The following SGCD variants were observed in gnomAD, a reference collection of about 807,000 sequenced individuals.
SGCD encodes the protein delta-sarcoglycan.
In SGCD, 18 loss-of-function variants were observed where a neutral mutation model predicts 36.6. The ratio of observed to expected loss-of-function variants is 0.49; its 90% CI spans 0.34 to 0.73. SGCD has a LOEUF of 0.73. SGCD is among the 30% of genes least tolerant of loss of function. The pLI, the probability that SGCD is intolerant of heterozygous loss-of-function variation, is 0.01. For missense variants in SGCD, 387 were observed against 346.7 expected, an observed-to-expected ratio of 1.12 and a Z score of -0.92; for synonymous variants, 133 against 130.6, an observed-to-expected ratio of 1.02 and a Z score of -0.12.
intron 3 of SGCD, among the ~76,000 whole-genome samples, chr5:156,139,356 C>T (rs1321825193): frequency 1.9e-5 from 2 of 103,554 alleles, no homozygotes; most frequent in African/African-American, 1.0e-4. Flanking sequence ...GTAGTTTGGG[C>T]TTTTACAGTT....
intron 6 of SGCD, among the ~76,000 whole-genome samples, chr5:156,606,427 C>T (rs1313882064): frequency 3.3e-5 from 5 of 152,186 alleles, no homozygotes; most frequent in Non-Finnish European, 7.3e-5. Flanking sequence ...GTACCAGTAC[C>T]ATGCTGTTTT....
rs1760178678 is a variant in SGCD at position 156,580,029 on chromosome 5, C to CT, written c.295-9202_295-9201insT. Among the ~76,000 whole-genome samples, 5 of 152,248 alleles carry CT rather than the reference C, an allele frequency of 3.3e-5. No individual in the cohort carries two copies. The South Asian group carries it at 6.2e-4, about 19-fold the overall frequency. ...AGCATTGATGGTCTTTACAATTTGG[C>CT]ATGTTTTTGCAGTGGCTGGTACAGG... On this transcript the variant is annotated intron_variant, in intron 4 of 8. Transcript: ENST00000337851.
intron 1 of SGCD, among the ~76,000 whole-genome samples, chr5:156,010,980 C>G (rs1581040432): frequency 6.6e-6 from 1 of 152,054 alleles, no homozygotes; most frequent in Non-Finnish European, 1.5e-5. Flanking sequence ...CTTTGCCAAA[C>G]TGAGTCATGA....
intron 3 of SGCD, among the ~76,000 whole-genome samples, chr5:156,130,253 T>A (rs1485837568): frequency 6.6e-6 from 1 of 152,194 alleles, no homozygotes; most frequent in African/African-American, 2.4e-5. Context: ...GATATTGAGC[T>A]TTTTTTCATA....
At chr5:156,534,603 A>G (rs942980177) in intron 4 of SGCD, among the ~76,000 whole-genome samples, 2 of 152,194 alleles carry the variant, frequency 1.3e-5, no homozygotes, top group East Asian at 1.9e-4. Flanking sequence ...ACTTGCATCA[A>G]GGTGCTTGTG....
the SGCD span, among the ~76,000 whole-genome samples, chr5:155,775,330 T>C: frequency 6.6e-6 from 1 of 152,136 alleles, no homozygotes; most frequent in Non-Finnish European, 1.5e-5. Context: ...GTCTATTTCA[T>C]AGAGCACATA....
At chr5:155,771,220 C>A in the SGCD span, among the ~76,000 whole-genome samples, 1 of 151,856 alleles carries the variant, frequency 6.6e-6, no homozygotes, top group African/African-American at 2.4e-5. Context: ...TGTTGCAACT[C>A]TCATTTTGCT....
chr5:155,946,262 C>G (rs1459143955), intron 1 of SGCD, among the ~76,000 whole-genome samples: 2 of 152,080 alleles, frequency 1.3e-5, no homozygotes, highest in African/African-American at 2.4e-5. Flanking sequence ...ATTTAATTAT[C>G]ATAACCACCT....
At chr5:156,394,845 TG>T (rs1400260285) in intron 3 of SGCD, among the ~76,000 whole-genome samples, 2 of 152,278 alleles carry the variant, frequency 1.3e-5, no homozygotes, top group Non-Finnish European at 2.9e-5. Flanking sequence ...AGAGGGAACA[TG>T]TTGGGTAAGT....
intron 4 of SGCD, among the ~76,000 whole-genome samples, chr5:156,558,294 CCTT>C (rs1350821175): frequency 1.3e-5 from 2 of 151,626 alleles, no homozygotes; most frequent in Non-Finnish European, 2.9e-5. Flanking sequence ...AATATTGCCT[CCTT>C]CCTCCATTGG....
chr5:156,044,339 GT>G (rs1759712016), intron 1 of SGCD, among the ~76,000 whole-genome samples: 1 of 152,082 alleles, frequency 6.6e-6, no homozygotes, highest in Non-Finnish European at 1.5e-5. Flanking sequence ...ATGCTTGATT[GT>G]TTTCTGAATT....
intron 3 of SGCD, among the ~76,000 whole-genome samples, chr5:156,296,178 T>C (rs1287892050): frequency 6.6e-6 from 1 of 152,132 alleles, no homozygotes; most frequent in African/African-American, 2.4e-5. Flanking sequence ...ATCTTCACAG[T>C]CCATTCAGAA....
intron 7 of SGCD, among the ~76,000 whole-genome samples, chr5:156,703,140 G>T (rs1754593688): frequency 6.6e-6 from 1 of 152,148 alleles, no homozygotes; most frequent in Non-Finnish European, 1.5e-5. Flanking sequence ...AAAGTCCCTT[G>T]TTTCTGACCT....
chr5:156,456,168 A>G (rs1299305709), intron 3 of SGCD, among the ~76,000 whole-genome samples: 1 of 152,130 alleles, frequency 6.6e-6, no homozygotes, highest in Non-Finnish European at 1.5e-5. Flanking sequence ...AAAAATGGGG[A>G]GGTAGCTTTG....
At chr5:156,567,618 C>T (rs1047619932) in intron 4 of SGCD, among the ~76,000 whole-genome samples, 10 of 151,980 alleles carry the variant, frequency 6.6e-5, no homozygotes, top group Admixed American at 2.6e-4. Context: ...TGAGGCCTAC[C>T]CATATTATGG....
intron 7 of SGCD, among the ~76,000 whole-genome samples, chr5:156,657,913 ATG>A (rs1317544948): frequency 7.5e-6 from 1 of 133,316 alleles, no homozygotes; most frequent in African/African-American, 2.9e-5. Context: ...AAAGAGGGGG[ATG>A]TGTCAGGGTC....
chr5:156,717,337 C>T (rs570262216), intron 7 of SGCD, among the ~76,000 whole-genome samples: 1 of 152,278 alleles, frequency 6.6e-6, no homozygotes, highest in Admixed American at 6.5e-5. Flanking sequence ...CCACCCAACT[C>T]GTGAATGCTC....
intron 1 of SGCD, among the ~76,000 whole-genome samples, chr5:155,990,588 T>G (rs1483433805): frequency 2.0e-5 from 3 of 152,174 alleles, no homozygotes; most frequent in Admixed American, 2.0e-4. Context: ...TTGGCTTCTA[T>G]CCTTTTCTAG....
intron 1 of SGCD, among the ~76,000 whole-genome samples, chr5:156,000,295 G>C (rs1758637728): frequency 1.3e-5 from 2 of 152,170 alleles, no homozygotes; most frequent in Admixed American, 1.3e-4. Flanking sequence ...AGCAGTATAG[G>C]ATTGCAAAAG....
Sources: allele counts gnomAD v4.1 joint callset (sites outside exome capture counted in the v4.1 genomes callset), GRCh38; gene constraint gnomAD v4.1.1; transcripts MANE v1.5; gene names NCBI Gene and HGNC (gene_info 2026-07-23, HGNC 2026-07-21).